The following PXMP2 variants were observed in gnomAD, a reference collection of about 807,000 sequenced individuals.
PXMP2 encodes peroxisomal membrane protein 2.
In PXMP2, 13 loss-of-function variants were observed where a neutral mutation model predicts 20.2. That is an observed-to-expected ratio of 0.64 (90% CI 0.42 to 1.02). The LOEUF (loss-of-function observed/expected upper bound fraction) is 1.02. Ranked by LOEUF, PXMP2 falls within the 50% of genes least tolerant of loss-of-function variation. PXMP2 has a pLI of 0.00. For missense variants in PXMP2, 284 were observed against 251.8 expected (o/e 1.13, Z -0.87); for synonymous variants, 113 against 111.2 (o/e 1.02, Z -0.10).
intron 3 of PXMP2, among the ~76,000 whole-genome samples, chr12:132,698,227 G>T (rs779444797): frequency 4.6e-5 from 7 of 152,002 alleles, no homozygotes; most frequent in Non-Finnish European, 8.8e-5. Context: ...GGCCAGGTTG[G>T]TATTGAACTC....
intron 2 of PXMP2, among the ~76,000 whole-genome samples, chr12:132,694,723 G>T (rs2043399470): frequency 8.1e-6 from 1 of 123,238 alleles, no homozygotes; most frequent in Non-Finnish European, 1.7e-5. Context: ...CAGTTAGTGA[G>T]CTCCCTTGCC....
At chr12:132,695,770 A>G in intron 2 of PXMP2, 114 bp from the exon 3 acceptor site, 2 of 1,150,666 alleles carry the variant, frequency 1.7e-6, no homozygotes, top group Non-Finnish European at 2.4e-6. Context: ...TGTGGCCAAT[A>G]CTGAGGGACA....
chr12:132,691,982 T>TCCCTTGCCAGTTAGTTAGTGAGCA (rs1391324496), intron 2 of PXMP2, among the ~76,000 whole-genome samples: 1 of 148,374 alleles, frequency 6.7e-6, no homozygotes, highest in African/African-American at 2.5e-5. Flanking sequence ...GTTAGTGAGC[T>TCCCTTGCCAGTTAGTTAGTGAGCA]CCCTTGCCAG....
chr12:132,702,678 T>C (rs1444564920), intron 4 of PXMP2: 1 of 188,866 alleles, frequency 5.3e-6, no homozygotes, highest in African/African-American at 2.4e-5. Context: ...GCATTGTTGG[T>C]GCAAACAGTC....
At chr12:132,699,606 C>T (rs2043427715) in intron 3 of PXMP2, among the ~76,000 whole-genome samples, 1 of 146,344 alleles carries the variant, frequency 6.8e-6, no homozygotes, top group Non-Finnish European at 1.5e-5. Flanking sequence ...TCTCATCTCA[C>T]TGCAACCTCC....
chr12:132,693,605 TAGTGAGCGCCCTTGCCAGTC>T (rs1186668723), intron 2 of PXMP2, among the ~76,000 whole-genome samples: 2 of 74,784 alleles, frequency 2.7e-5, no homozygotes, highest in Admixed American at 1.3e-4. Context: ...GCCAGTTAGT[TAGTGAGCGCCCTTGCCAGTC>T]AGTGAGCGCC....
intron 3 of PXMP2, among the ~76,000 whole-genome samples, chr12:132,697,428 G>A (rs909880702): frequency 8.7e-5 from 10 of 115,410 alleles, no homozygotes; most frequent in Admixed American, 8.2e-4. Flanking sequence ...TTATTTTTGA[G>A]GCAGAATCTC....
At chr12:132,695,499 T>C (rs2043405124) in intron 2 of PXMP2, among the ~76,000 whole-genome samples, 1 of 152,156 alleles carries the variant, frequency 6.6e-6, no homozygotes, top group Non-Finnish European at 1.5e-5. Context: ...GCCTGCCTTC[T>C]AGGGGGGACG....
intron 2 of PXMP2, 68 bp from the exon 3 acceptor site, chr12:132,695,816 T>G: frequency 1.3e-6 from 2 of 1,489,780 alleles, no homozygotes; most frequent in Admixed American, 2.1e-5. Context: ...GATTTGGGGG[T>G]GAAGCTAGAC....
At position 132,687,591 on chromosome 12, in the gene PXMP2, C is replaced by T. The variant is rs2043310011; in HGVS notation, c.-80C>T. 8.6e-7 allele frequency: 1 copy of T among 1,164,612 alleles called. No individual in the cohort carries two copies. The highest frequency in any genetic ancestry group is 1.1e-6 in the Non-Finnish European group (1 of 941,696). The allele number at this position is 1,164,612 out of a possible 1,614,324, so 72.1% of individuals were successfully genotyped here. ...CGGAAATGTCAGGCGGTCCCCACTC[C>T]GCTCTCGGCGCCTCGGGCTCCGCGC... On this transcript the variant is annotated 5_prime_UTR_variant, in exon 1 of 5. Transcript: ENST00000317479.
chr12:132,688,891 G>A (rs2043342258), intron 1 of PXMP2, among the ~76,000 whole-genome samples: 1 of 25,132 alleles, frequency 4.0e-5, no homozygotes. Context: ...CAGGGGAGCG[G>A]GTCTGCGGGG....
At chr12:132,692,955 G>A (rs2043380804) in intron 2 of PXMP2, among the ~76,000 whole-genome samples, 1 of 96,074 alleles carries the variant, frequency 1.0e-5, no homozygotes, top group African/African-American at 3.4e-5. Flanking sequence ...TTGCCAGTTA[G>A]TTAGTGAGCT....
rs149955190 is a variant in PXMP2 at position 132,698,159 on chromosome 12, G to A, written c.399+2113G>A. Among the ~76,000 whole-genome samples the A allele has an allele frequency of 2.1e-3, 319 of 151,982 alleles. 2 individuals are homozygous for A. The highest frequency in any genetic ancestry group is 7.4e-3 in the African/African-American group (308 of 41,468). ...CAAATAGCTGGGATTGCAGGTGCCC[G>A]CCACCATGCCCGGCTAATTGTTTTG... On this transcript the variant is annotated intron_variant, in intron 3 of 4. Coordinates refer to ENST00000317479, the MANE Select transcript of PXMP2 (RefSeq NM_018663.3).
At chr12:132,700,776 C>T (rs527396911) in intron 3 of PXMP2, among the ~76,000 whole-genome samples, 16 of 149,968 alleles carry the variant, frequency 1.1e-4, no homozygotes, top group African/African-American at 3.9e-4. Flanking sequence ...CTCCTAGGAT[C>T]TTTATGGTGT....
chr12:132,695,226 G>A (rs1330375148), intron 2 of PXMP2, among the ~76,000 whole-genome samples: 1 of 151,572 alleles, frequency 6.6e-6, no homozygotes, highest in Non-Finnish European at 1.5e-5. Flanking sequence ...TAGTGCCCTT[G>A]CCAGTTAGTG....
chr12:132,690,295 C>G lies in PXMP2; in HGVS notation c.155C>G (p.Ala52Gly), dbSNP rs769760550. The G allele has an allele frequency of 6.2e-7, 1 of 1,614,008 alleles. No individual in the cohort carries two copies. The highest frequency in any genetic ancestry group is 8.5e-7 in the Non-Finnish European group (1 of 1,179,974). Residue 52 changes from alanine (A) to glycine (G), a missense_variant, in exon 2 of 5, where the codon GCC becomes GGC. By Grantham distance (60) the Ala-to-Gly change is moderately conservative. Transcript: ENST00000317479. Reference sequence around the variant, plus strand: ...TTGTCAGCACTTGGGAACTTCCTGGCCCAGATGATTGAGAAGAAGCGGAAA... The same window carrying G: ...TTGTCAGCACTTGGGAACTTCCTGGGCCAGATGATTGAGAAGAAGCGGAAA... ...GILSALGNFL[A>G]QMIEKKRKKE...
intron 2 of PXMP2, among the ~76,000 whole-genome samples, chr12:132,693,002 G>T (rs1371839435): frequency 1.0e-4 from 7 of 69,778 alleles, no homozygotes; most frequent in African/African-American, 2.4e-4. Flanking sequence ...GCCAGTTAGT[G>T]AGCGCCCTTG....
chr12:132,690,133 G>T (rs751750998), intron 1 of PXMP2, 130 bp from the exon 2 acceptor site: 80 of 690,028 alleles, frequency 1.2e-4, no homozygotes, highest in Non-Finnish European at 1.5e-4. Flanking sequence ...CATTGCAGCC[G>T]CTTTAACAAG....
rs760424210 is a variant in PXMP2 at position 132,700,996 on chromosome 12, G to A, written c.400-254G>A. Among the ~76,000 whole-genome samples, 98 of 152,120 alleles carry A rather than the reference G, an allele frequency of 6.4e-4. 1 individual carries two copies. Among genetic ancestry groups the A allele is most frequent in the Admixed American group, 2.6e-4 (4 of 15,270 alleles). On this transcript the variant is annotated intron_variant, in intron 3 of 4. Transcript: ENST00000317479. ...TGGGAGTCACCTCCTCCAGTTGTCC[G>A]CAAGGAGTTTTGGGCCAGGACAGAC... is the stretch of plus-strand genomic sequence containing the variant.
Sources: allele counts gnomAD v4.1 joint callset (sites outside exome capture counted in the v4.1 genomes callset), GRCh38; gene constraint gnomAD v4.1.1; transcripts MANE v1.5; gene names NCBI Gene and HGNC (gene_info 2026-07-23, HGNC 2026-07-21).